The following CACNA1D variants were observed in gnomAD, a reference collection of about 807,000 sequenced individuals.
The protein encoded by CACNA1D is voltage-dependent L-type calcium channel subunit alpha-1D.
A neutral mutation model predicts 257.1 loss-of-function variants in CACNA1D; 55 were observed. The ratio of observed to expected loss-of-function variants is 0.21; its 90% CI spans 0.17 to 0.27. The LOEUF (loss-of-function observed/expected upper bound fraction) is 0.27, where lower values mean the gene tolerates loss of function less well. Among genes scored for constraint, CACNA1D ranks in the 10% least tolerant of loss-of-function variants. The pLI is 1.00. For missense variants in CACNA1D, 1,876 were observed against 2,784.0 expected (o/e 0.67, Z 7.34); for synonymous variants, 980 against 1,014.9 (o/e 0.97, Z 0.65).
intron 8 of CACNA1D, among the ~76,000 whole-genome samples, chr3:53,689,424 A>G (rs2094500555): frequency 6.6e-6 from 1 of 151,492 alleles, no homozygotes; most frequent in African/African-American, 2.4e-5. Flanking sequence ...TGTGCCTGGA[A>G]GGTAAAGCTG....
chr3:53,532,855 G>A (rs538904826), intron 3 of CACNA1D, among the ~76,000 whole-genome samples: 6 of 152,286 alleles, frequency 3.9e-5, no homozygotes, highest in South Asian at 4.1e-4. Flanking sequence ...GCGGTGTGAC[G>A]TTGAGCCTGA....
intron 8 of CACNA1D, among the ~76,000 whole-genome samples, chr3:53,696,971 T>G (rs2094578785): frequency 6.6e-6 from 1 of 151,962 alleles, no homozygotes; most frequent in African/African-American, 2.4e-5. Context: ...GGAAGCAAGC[T>G]CTGATGAAAT....
intron 40 of CACNA1D, chr3:53,791,971 ACCTACCTCACAGGG>A (rs1275613993): frequency 6.6e-6 from 1 of 152,210 alleles, no homozygotes; most frequent in Non-Finnish European, 1.5e-5. Flanking sequence ...AATAATGTCG[ACCTACCTCACAGGG>A]CTGTTGTGAG....
chr3:53,552,960 G>T (rs1252284424), intron 3 of CACNA1D, among the ~76,000 whole-genome samples: 1 of 152,160 alleles, frequency 6.6e-6, no homozygotes, highest in Non-Finnish European at 1.5e-5. Flanking sequence ...TTGAAGGCAG[G>T]CTGAGCCTGT....
chr3:53,518,598 G>A (rs2091436368), intron 3 of CACNA1D, among the ~76,000 whole-genome samples: 1 of 152,142 alleles, frequency 6.6e-6, no homozygotes, highest in Admixed American at 6.5e-5. Flanking sequence ...TCCCAAAGAT[G>A]TTGCAACACT....
At chr3:53,786,728 T>TCGGCCC in intron 39 of CACNA1D, 94 bp from the exon 40 acceptor site, 1 of 253,172 alleles carries the variant, frequency 3.9e-6, no homozygotes, top group Non-Finnish European at 8.0e-6. Flanking sequence ...CCCGCCCCAC[T>TCGGCCC]CTGCCCCTGC....
At chr3:53,650,704 C>A (rs1337428061) in intron 3 of CACNA1D, 75 bp from the exon 4 acceptor site, 1 of 1,470,372 alleles carries the variant, frequency 6.8e-7, no homozygotes, top group Admixed American at 1.7e-5. Flanking sequence ...TGATTCTAAT[C>A]TCTGTTCCTT....
At chr3:53,670,297 A>G (rs2094310157) in intron 7 of CACNA1D, among the ~76,000 whole-genome samples, 1 of 152,212 alleles carries the variant, frequency 6.6e-6, no homozygotes, top group African/African-American at 2.4e-5. Context: ...ACAGCCTTGC[A>G]TTGGTCTATA....
At chr3:53,803,013 G>T (rs1171351668) in intron 43 of CACNA1D, among the ~76,000 whole-genome samples, 1 of 152,190 alleles carries the variant, frequency 6.6e-6, no homozygotes, top group Non-Finnish European at 1.5e-5. Flanking sequence ...CTTTGTTCCA[G>T]GTTCTGAAGT....
At chr3:53,766,659 C>T (rs2095334133) in intron 30 of CACNA1D, among the ~76,000 whole-genome samples, 1 of 152,198 alleles carries the variant, frequency 6.6e-6, no homozygotes, top group Non-Finnish European at 1.5e-5. Context: ...TGGGAAGAGG[C>T]TCGAGGGAAC....
chr3:53,509,200 A>G (rs1390220939), intron 3 of CACNA1D, among the ~76,000 whole-genome samples: 2 of 147,050 alleles, frequency 1.4e-5, no homozygotes, highest in Non-Finnish European at 2.9e-5. Context: ...AATGGGTGGT[A>G]TGGAGGAAGA....
intron 3 of CACNA1D, among the ~76,000 whole-genome samples, chr3:53,525,498 A>C (rs112244333): frequency 6.6e-5 from 10 of 152,326 alleles, no homozygotes; most frequent in African/African-American, 2.4e-4. Context: ...CAGCATGTCA[A>C]ACCTGGTAGC....
chr3:53,569,059 G>A (rs552966528), intron 3 of CACNA1D, among the ~76,000 whole-genome samples: 3 of 152,242 alleles, frequency 2.0e-5, no homozygotes, highest in African/African-American at 7.2e-5. Flanking sequence ...CTTTCCTGGT[G>A]TTCCCCCCAC....
chr3:53,588,707 A>C (rs2093258080), intron 3 of CACNA1D, among the ~76,000 whole-genome samples: 1 of 152,122 alleles, frequency 6.6e-6, no homozygotes, highest in African/African-American at 2.4e-5. Context: ...TTTACCTTTC[A>C]GTTTTCAAGG....
chr3:53,505,746 T>C (rs1015817057), intron 3 of CACNA1D, among the ~76,000 whole-genome samples: 1 of 152,136 alleles, frequency 6.6e-6, no homozygotes, highest in African/African-American at 2.4e-5. Flanking sequence ...GAGCCCACAG[T>C]GTTGGCTTTC....
intron 8 of CACNA1D, among the ~76,000 whole-genome samples, chr3:53,680,586 T>C (rs1009265732): frequency 6.6e-6 from 1 of 152,154 alleles, no homozygotes; most frequent in Non-Finnish European, 1.5e-5. Flanking sequence ...TCCCAAATCC[T>C]AGGGGAAGAG....
At chr3:53,707,898 A>G (rs768359337) in intron 9 of CACNA1D, among the ~76,000 whole-genome samples, 3 of 152,248 alleles carry the variant, frequency 2.0e-5, no homozygotes, top group Non-Finnish European at 4.4e-5. Context: ...TTAATGATTA[A>G]TAATTCCTCT....
rs779207160 is a variant in CACNA1D at position 53,651,366 on chromosome 3, C to CTTTTTTTTTTTTTTTTTTTTTTTTTTTTT, written c.623+470_623+471insTTTTTTTTTTTTTTTTTTTTTTTTTTTTT. On this transcript the variant is annotated intron_variant, in intron 4 of 47. Coordinates refer to ENST00000350061, the MANE Select transcript of CACNA1D (RefSeq NM_001128840.3). The stretch of plus-strand genomic sequence containing the variant: ...TCCCTTGAGCAAAGCTATTAATTTT[C>CTTTTTTTTTTTTTTTTTTTTTTTTTTTTT]TTTTTTTTTTTTTTTTTTTTTTGCT... Among the ~76,000 whole-genome samples, 6 of 81,846 alleles carry CTTTTTTTTTTTTTTTTTTTTTTTTTTTTT rather than the reference C, an allele frequency of 7.3e-5. 1 individual carries two copies. The highest frequency in any genetic ancestry group is 2.7e-4 in the African/African-American group (6 of 22,544). The allele number at this position is 81,846 out of a possible 152,430, so 53.7% of individuals were successfully genotyped here.
chr3:53,767,557 C>A (rs62250897), intron 30 of CACNA1D, among the ~76,000 whole-genome samples: 9,322 of 129,148 alleles, frequency 0.072, 335 homozygotes, highest in Middle Eastern at 0.15. Flanking sequence ...CAGAGGGAGA[C>A]TCTATCTCAA....
Sources: allele counts gnomAD v4.1 joint callset (sites outside exome capture counted in the v4.1 genomes callset), GRCh38; gene constraint gnomAD v4.1.1; transcripts MANE v1.5; gene names NCBI Gene and HGNC (gene_info 2026-07-23, HGNC 2026-07-21).